The following CEMIP variants were observed in gnomAD, a reference collection of about 807,000 sequenced individuals.
CEMIP encodes the protein cell migration inducing hyaluronidase 1, also known as cell migration-inducing and hyaluronan-binding protein.
In CEMIP, 105 loss-of-function variants were observed where a neutral mutation model predicts 156.9. The observed-to-expected ratio is 0.67, with a 90% confidence interval of 0.57 to 0.79. The LOEUF (loss-of-function observed/expected upper bound fraction) is 0.79. CEMIP is among the 30% of genes least tolerant of loss of function. CEMIP has a pLI of 0.00. For missense variants in CEMIP, 1,457 were observed against 1,769.4 expected (o/e 0.82, Z 3.17); for synonymous variants, 676 against 668.4 (o/e 1.01, Z -0.17).
At position 80,931,964 on chromosome 15, in the gene CEMIP, G is replaced by A. The variant is rs1236613045; in HGVS notation, c.2718G>A (p.Leu906=). Residue 906 remains leucine, a synonymous_variant, in exon 22 of 30, where the codon CTG becomes CTA. Transcript: ENST00000394685. ...TGGAGGGCCGGCACACCAGCGCCCTGGCCTTCCGCCTGAATAATGCCTGGC... is the reference window on the plus strand; with the variant it reads ...TGGAGGGCCGGCACACCAGCGCCCTAGCCTTCCGCCTGAATAATGCCTGGC... ...VALEGRHTSA[L]AFRLNNAWQS... 1 of 1,614,224 alleles carries A rather than the reference G, an allele frequency of 6.2e-7. No individual in the cohort carries two copies. The highest frequency in any genetic ancestry group is 8.5e-7 in the Non-Finnish European group (1 of 1,180,050).
In CEMIP at chr15:80,858,551, T is replaced by TAAAAAAAA. The variant is rs59305579; in HGVS notation, c.-175-14977_-175-14970dup. ...CAACATGGAGAAACCTGGTCTCTAC[T>TAAAAAAAA]AAAAAAAAAAAAAAAAATACAAAAT... On this transcript the variant is annotated intron_variant, in intron 1 of 29. Coordinates refer to ENST00000394685, the MANE Select transcript of CEMIP (RefSeq NM_001293298.2). 4.3e-3 allele frequency among the ~76,000 whole-genome samples: 560 copies of TAAAAAAAA among 130,416 alleles called. 7 individuals carry two copies. The highest frequency in any genetic ancestry group is 0.015 in the Middle Eastern group (4 of 266). The allele number at this position is 130,416 out of a possible 152,430, so 85.6% of individuals were successfully genotyped here. A position where few individuals can be genotyped will look rare whatever the true frequency, so the allele number is the denominator to read the frequency against.
At chr15:80,904,313 C>G (rs1415275876) in intron 12 of CEMIP, among the ~76,000 whole-genome samples, 1 of 152,130 alleles carries the variant, frequency 6.6e-6, no homozygotes, top group Non-Finnish European at 1.5e-5. Context: ...ATTTTTTGAG[C>G]CCAGGAGTTC....
At chr15:80,856,771 C>T (rs1897861836) in intron 1 of CEMIP, among the ~76,000 whole-genome samples, 1 of 152,156 alleles carries the variant, frequency 6.6e-6, no homozygotes, top group Admixed American at 6.5e-5. Flanking sequence ...AGGACTAGAA[C>T]CTAGGACTCC....
At chr15:80,796,219 C>CT (rs1896219831) in intron 1 of CEMIP, among the ~76,000 whole-genome samples, 1 of 152,018 alleles carries the variant, frequency 6.6e-6, no homozygotes, top group African/African-American at 2.4e-5. Context: ...AGCGATCCTC[C>CT]TGTGTCGGCC....
At chr15:80,808,323 A>C (rs1896567897) in intron 1 of CEMIP, among the ~76,000 whole-genome samples, 1 of 152,142 alleles carries the variant, frequency 6.6e-6, no homozygotes, top group African/African-American at 2.4e-5. Context: ...CACAGCTGTA[A>C]ATGGAAGGTA....
At chr15:80,947,152 G>GT (rs1203971187) in intron 29 of CEMIP, 87 bp downstream of exon 29, 8 of 831,042 alleles carry the variant, frequency 9.6e-6, no homozygotes, top group Admixed American at 3.9e-5. Flanking sequence ...CTTTTGCTGA[G>GT]TTGAGAACAT....
At chr15:80,810,492 C>T (rs544896121) in intron 1 of CEMIP, among the ~76,000 whole-genome samples, 18 of 152,288 alleles carry the variant, frequency 1.2e-4, no homozygotes, top group South Asian at 6.2e-4. Flanking sequence ...CTTAGCCTCC[C>T]GAGTAGCTGG....
intron 24 of CEMIP, 60 bp from the exon 25 acceptor site, chr15:80,937,734 T>C: frequency 6.5e-7 from 1 of 1,538,208 alleles, no homozygotes; most frequent in East Asian, 2.2e-5. Context: ...CAAGGCATGC[T>C]CCAAAGGCCC....
intron 12 of CEMIP, among the ~76,000 whole-genome samples, chr15:80,904,032 T>C (rs1313288050): frequency 1.3e-5 from 2 of 152,170 alleles, no homozygotes; most frequent in Admixed American, 1.3e-4. Flanking sequence ...AGTTAACTCA[T>C]TTCATATCAT....
At chr15:80,935,984 C>T (rs1320091411) in intron 23 of CEMIP, among the ~76,000 whole-genome samples, 1 of 152,200 alleles carries the variant, frequency 6.6e-6, no homozygotes, top group African/African-American at 2.4e-5. Flanking sequence ...GTGATCCACC[C>T]GCCTCGGCCT....
chr15:80,803,846 C>A (rs1388463026), intron 1 of CEMIP, among the ~76,000 whole-genome samples: 1 of 152,148 alleles, frequency 6.6e-6, no homozygotes, highest in Non-Finnish European at 1.5e-5. Context: ...CTGCAATGAT[C>A]CCATCTGGAA....
chr15:80,872,459 T>A (rs1898328233), intron 1 of CEMIP, among the ~76,000 whole-genome samples: 1 of 147,172 alleles, frequency 6.8e-6, no homozygotes, highest in Admixed American at 6.6e-5. Context: ...CTAGACAGAT[T>A]CCCATAGTAA....
chr15:80,929,022 T>C lies in CEMIP; in HGVS notation c.2460T>C (p.Gly820=). 6.2e-7 allele frequency: 1 copy of C among 1,614,176 alleles called. No individual in the cohort carries two copies. The highest frequency in any genetic ancestry group is 8.5e-7 in the Non-Finnish European group (1 of 1,180,030). The stretch of plus-strand genomic sequence containing the variant: ...CTTAAACATCTTCTCTCTACAGTGG[T>C]GGAACCTTCCCGTATGACGACGGCT... ...DNGIGLTLAS[G]GTFPYDDGSK... is the part of the protein sequence containing the mutation. The change falls in exon 21 of 30, where the codon GGT becomes GGC. Residue 820 remains glycine, a synonymous_variant. Transcript: ENST00000394685.
chr15:80,906,612 A>C lies in CEMIP; in HGVS notation c.1412-51A>C. 1 of 1,561,098 alleles carries C rather than the reference A, an allele frequency of 6.4e-7. No individual in the cohort carries two copies. Among genetic ancestry groups the C allele is most frequent in the Non-Finnish European group, 8.7e-7 (1 of 1,144,512 alleles). ...GGCACCTGGCAGGGGCCCAGAACTC[A>C]GTGGGCATGCAGTACCTGCTGTTGT... is the stretch of plus-strand genomic sequence containing the variant. On this transcript the variant is annotated intron_variant, in intron 12 of 29. Coordinates refer to ENST00000394685, the MANE Select transcript of CEMIP (RefSeq NM_001293298.2). The surrounding 1 kb of genome is among the most constrained non-coding windows in gnomAD (Gnocchi z 4.3).
intron 22 of CEMIP, among the ~76,000 whole-genome samples, 200 bp from the exon 23 acceptor site, chr15:80,933,045 T>G (rs1424089180): frequency 6.6e-6 from 1 of 152,098 alleles, no homozygotes; most frequent in Non-Finnish European, 1.5e-5. Flanking sequence ...GGTCTGGGAG[T>G]TGAGGCACAG....
At chr15:80,948,018 G>A in intron 29 of CEMIP, 1 of 152,706 alleles carries the variant, frequency 6.5e-6, no homozygotes, top group East Asian at 1.9e-4. Flanking sequence ...CTTCAAACCA[G>A]CCAAAGGAGG....
chr15:80,840,598 A>C (rs1897385064), intron 1 of CEMIP, among the ~76,000 whole-genome samples: 1 of 152,194 alleles, frequency 6.6e-6, no homozygotes, highest in Non-Finnish European at 1.5e-5. Flanking sequence ...CTGAAGAAGT[A>C]AACAGGCCCG....
At chr15:80,795,923 G>A (rs553815672) in intron 1 of CEMIP, among the ~76,000 whole-genome samples, 1 of 152,086 alleles carries the variant, frequency 6.6e-6, no homozygotes, top group Non-Finnish European at 1.5e-5. Flanking sequence ...GAGGATAAGA[G>A]AATTTTAAAT....
chr15:80,779,909 G>A (rs796379077), intron 1 of CEMIP, among the ~76,000 whole-genome samples: 1 of 152,104 alleles, frequency 6.6e-6, no homozygotes, highest in African/African-American at 2.4e-5. Context: ...AGGGCATCCA[G>A]AGGGGGCAGA....
Sources: gnomAD v4.1 joint callset for allele counts (sites outside exome capture counted in the v4.1 genomes callset) on GRCh38, gnomAD v4.1.1 for gene constraint, Gnocchi (gnomAD v3.1) non-coding constraint, MANE v1.5 for transcripts, NCBI Gene and HGNC (gene_info 2026-07-23, HGNC 2026-07-21) for gene names.